The following NPAS2 variants were observed in gnomAD, a reference collection of about 807,000 sequenced individuals.
NPAS2 encodes neuronal PAS domain-containing protein 2.
Under a neutral mutation model 107.5 loss-of-function variants are expected in NPAS2, and 23 were observed. The observed-to-expected ratio is 0.21, with a 90% CI of 0.15 to 0.30. NPAS2 has a LOEUF of 0.30. Among genes scored for constraint, NPAS2 ranks in the 10% least tolerant of loss-of-function variants. The pLI, the probability that NPAS2 is intolerant of heterozygous loss-of-function variation, is 1.00. For synonymous variants in NPAS2, 403 were observed against 417.5 expected (o/e 0.97, Z 0.42); for missense variants, 756 against 1,043.3 (o/e 0.72, Z 3.79).
intron 1 of NPAS2, among the ~76,000 whole-genome samples, chr2:100,844,741 A>G (rs1463750633): frequency 6.6e-6 from 1 of 152,098 alleles, no homozygotes; most frequent in Non-Finnish European, 1.5e-5. Context: ...GTGAGATGAG[A>G]GTGTTTTGTG....
At chr2:100,838,548 G>T (rs1023228896) in intron 1 of NPAS2, among the ~76,000 whole-genome samples, 5 of 152,208 alleles carry the variant, frequency 3.3e-5, no homozygotes, top group Non-Finnish European at 7.3e-5. Flanking sequence ...AAAGTACTGG[G>T]ATTACAGATG....
At chr2:100,970,852 C>T (rs1676498796) in intron 11 of NPAS2, 138 bp from the exon 12 acceptor site, 1 of 631,678 alleles carries the variant, frequency 1.6e-6, no homozygotes, top group East Asian at 2.9e-5. Flanking sequence ...AAGTCACAGG[C>T]TAGGCTCCTC....
chr2:100,929,413 G>A (rs1477973235), intron 3 of NPAS2, among the ~76,000 whole-genome samples: 2 of 152,170 alleles, frequency 1.3e-5, no homozygotes, highest in Non-Finnish European at 2.9e-5. Flanking sequence ...CTGCACTCCA[G>A]CTGTTCATGA....
At chr2:100,933,589 A>T (rs1244121926) in intron 4 of NPAS2, among the ~76,000 whole-genome samples, 2 of 152,170 alleles carry the variant, frequency 1.3e-5, no homozygotes, top group East Asian at 3.9e-4. Context: ...CCCCATACTC[A>T]TCTACAGGGC....
chr2:100,883,804 A>G (rs1462046209), intron 1 of NPAS2, among the ~76,000 whole-genome samples: 1 of 152,174 alleles, frequency 6.6e-6, no homozygotes, highest in Non-Finnish European at 1.5e-5. Context: ...TGAAGAAACC[A>G]CAGTCCAGAA....
At chr2:100,936,618 C>G (rs969319419) in intron 4 of NPAS2, among the ~76,000 whole-genome samples, 2 of 152,148 alleles carry the variant, frequency 1.3e-5, no homozygotes, top group African/African-American at 4.8e-5. Flanking sequence ...TAGAAATCAA[C>G]TATCAGATAC....
intron 1 of NPAS2, among the ~76,000 whole-genome samples, chr2:100,900,264 CCAA>C (rs1280431098): frequency 6.6e-6 from 1 of 152,010 alleles, no homozygotes; most frequent in East Asian, 1.9e-4. Context: ...GACTAACAGT[CCAA>C]TTTTTTTAAG....
chr2:100,974,979 C>T (rs772132975), intron 13 of NPAS2, 35 bp downstream of exon 13: 4 of 1,610,140 alleles, frequency 2.5e-6, no homozygotes, highest in Admixed American at 1.7e-5. Context: ...AGTGGGATGT[C>T]CACATCAGAC....
chr2:100,858,125 T>G (rs984833290), intron 1 of NPAS2, among the ~76,000 whole-genome samples: 14 of 152,280 alleles, frequency 9.2e-5, no homozygotes, highest in African/African-American at 2.4e-4. Context: ...GGAAAAGAGG[T>G]CTCGTTGCCT....
At chr2:100,941,477 C>A (rs1319881178) in intron 5 of NPAS2, among the ~76,000 whole-genome samples, 1 of 152,042 alleles carries the variant, frequency 6.6e-6, no homozygotes, top group South Asian at 2.1e-4. Flanking sequence ...GTGGGAGAAT[C>A]GCTTGAGCCT....
rs41280593 is a variant in NPAS2, at chr2:100,963,871, G to A, written c.599-187G>A. 0.054 allele frequency among the ~76,000 whole-genome samples: 8,221 copies of A among 152,204 alleles called. 364 individuals carry two copies. The highest frequency in any genetic ancestry group is 0.2 in the East Asian group (1,042 of 5,170). On this transcript the variant is annotated intron_variant, in intron 7 of 20. Coordinates refer to ENST00000335681, the MANE Select transcript of NPAS2 (RefSeq NM_002518.4). ...CACAAGTTACTTCCCTCTGTTCCTC[G>A]GTTTCCTCTTTTTGCAATGGGAATA...
chr2:100,953,388 A>C (rs1205505474), intron 7 of NPAS2, among the ~76,000 whole-genome samples: 9 of 151,656 alleles, frequency 5.9e-5, no homozygotes, highest in South Asian at 2.1e-4. Flanking sequence ...AAAAAAAAAA[A>C]AACAAAAAAA....
chr2:100,964,829 C>A, intron 8 of NPAS2, 32 bp from the exon 9 acceptor site: 7 of 1,436,486 alleles, frequency 4.9e-6, no homozygotes, highest in Non-Finnish European at 6.6e-6. Flanking sequence ...GGCACCCAAG[C>A]AACTTTTTTT....
intron 1 of NPAS2, among the ~76,000 whole-genome samples, chr2:100,837,274 C>T (rs552036034): frequency 3.9e-5 from 6 of 152,226 alleles, no homozygotes; most frequent in African/African-American, 1.4e-4. Flanking sequence ...ATATCTTATT[C>T]TCTTTCTTAT....
At chr2:100,959,960 T>G in intron 7 of NPAS2, among the ~76,000 whole-genome samples, 1 of 152,228 alleles carries the variant, frequency 6.6e-6, no homozygotes, top group Admixed American at 6.5e-5. Flanking sequence ...GCATCTTCCT[T>G]GCTCCTTCCT....
intron 1 of NPAS2, among the ~76,000 whole-genome samples, chr2:100,863,489 C>T (rs1470493101): frequency 6.6e-6 from 1 of 152,134 alleles, no homozygotes; most frequent in Non-Finnish European, 1.5e-5. Flanking sequence ...GATCTGTGCC[C>T]CATGTTTGGA....
Position 100,995,825 on chromosome 2 carries a change from G to T in NPAS2, c.*243G>T. ...TTGGGCACACTCTATAGCCATACTG[G>T]ACAGGAACCAGGTGCCCCGTGTAGG... On this transcript the variant is annotated 3_prime_UTR_variant, in exon 21 of 21. Transcript: ENST00000335681. The T allele has an allele frequency of 6.5e-7, 1 of 1,538,540 alleles. No individual in the cohort carries two copies. The highest frequency in any genetic ancestry group is 8.8e-7 in the Non-Finnish European group (1 of 1,139,758).
At chr2:100,962,884 C>G (rs185863056) in intron 7 of NPAS2, 1 of 152,318 alleles carries the variant, frequency 6.6e-6, no homozygotes. Context: ...CTAGGACAGT[C>G]CCCCCTCTGC....
At chr2:100,993,750 T>TA in intron 20 of NPAS2, 1 of 421,484 alleles carries the variant, frequency 2.4e-6, no homozygotes, top group Admixed American at 4.2e-5. Context: ...TATTATGCCT[T>TA]ATGTGGTTAT....
Sources: allele counts gnomAD v4.1 joint callset (sites outside exome capture counted in the v4.1 genomes callset), GRCh38; gene constraint gnomAD v4.1.1; transcripts MANE v1.5; gene names NCBI Gene and HGNC (gene_info 2026-07-23, HGNC 2026-07-21).